The following PLG variants were observed in gnomAD, a reference collection of about 807,000 sequenced individuals.
PLG encodes plasmin.
A neutral mutation model predicts 104.4 loss-of-function variants in PLG; 41 were observed. That is an observed-to-expected ratio of 0.39 (90% CI 0.31 to 0.51). The LOEUF is 0.51. PLG is among the 20% of genes least tolerant of loss of function. The pLI, the probability that PLG is intolerant of heterozygous loss-of-function variation, is 0.76. For missense variants in PLG, 891 were observed against 1,003.6 expected, an observed-to-expected ratio of 0.89 and a Z score of 1.52; for synonymous variants, 337 against 357.1, an observed-to-expected ratio of 0.94 and a Z score of 0.63.
chr6:160,703,716 G>T (rs1467290319), intron 1 of PLG, among the ~76,000 whole-genome samples: 8 of 152,046 alleles, frequency 5.3e-5, no homozygotes, highest in African/African-American at 1.9e-4. Context: ...GGTGTATGTT[G>T]GGGGGTATGA....
intron 4 of PLG, among the ~76,000 whole-genome samples, chr6:160,712,518 A>G (rs1401862455): frequency 6.6e-6 from 1 of 152,186 alleles, no homozygotes; most frequent in Non-Finnish European, 1.5e-5. Context: ...TCTCATCTGT[A>G]AAATAGGGAT....
At chr6:160,733,170 G>A (rs1282703196) in intron 12 of PLG, among the ~76,000 whole-genome samples, 1 of 152,200 alleles carries the variant, frequency 6.6e-6, no homozygotes, top group East Asian at 1.9e-4. Flanking sequence ...CCAAATATAC[G>A]TTTCTTATTC....
chr6:160,744,413 T>G lies in PLG; in HGVS notation c.2125+2996T>G, dbSNP rs769761322. On this transcript the variant is annotated intron_variant, in intron 17 of 18. Coordinates refer to ENST00000308192, the MANE Select transcript of PLG (RefSeq NM_000301.5). This position sits in a 1 kb window ranked among gnomAD's most constrained non-coding sequence, Gnocchi z 4.5. ...GAGGGTGTATGTGTCCAGGAATTTA[T>G]CCATCTCTTTTAGGTTTTCTAGTTT... Among the ~76,000 whole-genome samples, 33 of 152,350 alleles carry G rather than the reference T, an allele frequency of 2.2e-4. No individual in the cohort carries two copies. Among genetic ancestry groups the G allele is most frequent in the Non-Finnish European group, 4.6e-4 (31 of 68,026 alleles).
intron 4 of PLG, chr6:160,712,038 A>T: frequency 1.9e-6 from 1 of 523,014 alleles, no homozygotes; most frequent in South Asian, 3.0e-5. Context: ...CCAACACTCA[A>T]CAAATTGCCT....
chr6:160,712,406 T>C (rs1777660084), intron 4 of PLG: 1 of 157,164 alleles, frequency 6.4e-6, no homozygotes, highest in Non-Finnish European at 1.4e-5. Flanking sequence ...ACCAGGACTT[T>C]GGAATCAGAC....
At chr6:160,712,947 T>C (rs1777669517) in intron 4 of PLG, 39 bp from the exon 5 acceptor site, 2 of 1,569,620 alleles carry the variant, frequency 1.3e-6, no homozygotes, top group Non-Finnish European at 1.8e-6. Context: ...AGCTGATTTT[T>C]AGAATATAGT....
intron 6 of PLG, among the ~76,000 whole-genome samples, chr6:160,715,831 G>A (rs1299559509): frequency 6.6e-6 from 1 of 152,230 alleles, no homozygotes. Context: ...GGCACTTCCA[G>A]GAAACCAGAA....
chr6:160,715,362 AC>A (rs1182649657), intron 6 of PLG, among the ~76,000 whole-genome samples: 1 of 152,142 alleles, frequency 6.6e-6, no homozygotes, highest in Non-Finnish European at 1.5e-5. Context: ...AAGTCTCCTA[AC>A]CTTTGACCTA....
At chr6:160,718,144 C>G (rs1214687225) in intron 7 of PLG, 150 bp from the exon 8 acceptor site, 1 of 689,356 alleles carries the variant, frequency 1.5e-6, no homozygotes, top group Non-Finnish European at 2.6e-6. Flanking sequence ...CTGAGCTACT[C>G]GGGAGGCTGA....
At position 160,706,543 on chromosome 6, in the gene PLG, G is replaced by T. The variant is rs886042477; in HGVS notation, c.185+1G>T. 5 of 1,613,538 alleles carry T rather than the reference G, an allele frequency of 3.1e-6. No homozygotes were observed. The highest frequency in any genetic ancestry group is 4.2e-6 in the Non-Finnish European group (5 of 1,179,594). On this transcript the variant is annotated splice_donor_variant, in intron 2 of 18. Coordinates refer to ENST00000308192, the MANE Select transcript of PLG (RefSeq NM_000301.5). LOFTEE classifies it high-confidence loss of function. The stretch of plus-strand genomic sequence containing the variant: ...AGGAGGACGAAGAATTCACCTGCAG[G>T]TATTTCCATTGTCGTTGCACCTACG...
Position 160,753,189 on chromosome 6 carries a change from C to T in PLG, c.*128C>T. 2 of 653,330 alleles carry T rather than the reference C, an allele frequency of 3.1e-6. No individual in the cohort carries two copies. Among genetic ancestry groups the T allele is most frequent in the Non-Finnish European group, 5.4e-6 (2 of 372,232 alleles). The allele number at this position is 653,330 out of a possible 1,614,324, so 40.5% of individuals were successfully genotyped here. A position where few individuals can be genotyped will look rare whatever the true frequency, so the allele number is the denominator to read the frequency against. On this transcript the variant is annotated 3_prime_UTR_variant, in exon 19 of 19. Transcript: ENST00000308192. This position sits in a 1 kb window ranked among gnomAD's most constrained non-coding sequence, Gnocchi z 5.4. ...GTCCCCAGCTACCAGCTACGCCAAA[C>T]CTCGGCATTTTTTGTGTTATTTTCT... is the stretch of plus-strand genomic sequence containing the variant.
intron 1 of PLG, among the ~76,000 whole-genome samples, chr6:160,704,599 T>C (rs12529361): frequency 0.18 from 27,285 of 152,248 alleles, 2,731 homozygotes; most frequent in Middle Eastern, 0.3. Flanking sequence ...GGTAAAGACA[T>C]GGATATGGGC....
intron 2 of PLG, among the ~76,000 whole-genome samples, chr6:160,707,103 G>T (rs1436399448): frequency 6.6e-6 from 1 of 152,138 alleles, no homozygotes; most frequent in Non-Finnish European, 1.5e-5. Flanking sequence ...AGTTGAGAGA[G>T]CTCTTGACAA....
At chr6:160,714,347 T>C (rs1291630564) in intron 5 of PLG, among the ~76,000 whole-genome samples, 2 of 152,218 alleles carry the variant, frequency 1.3e-5, no homozygotes, top group African/African-American at 2.4e-5. Flanking sequence ...TGCCAGGTCA[T>C]TCAGCAGTCA....
At position 160,752,800 on chromosome 6, in the gene PLG, T is replaced by C. The variant is rs958548236; in HGVS notation, c.2272-100T>C. On this transcript the variant is annotated intron_variant, in intron 18 of 18. Coordinates refer to ENST00000308192, the MANE Select transcript of PLG (RefSeq NM_000301.5). The surrounding 1 kb of genome is among the most constrained non-coding windows in gnomAD (Gnocchi z 4.7). ...CTCATAAGTTCCTTTCTGATTTCAATTACTGGGAAAATGTATATATGGATA... is the reference window on the plus strand; with the variant it reads ...CTCATAAGTTCCTTTCTGATTTCAACTACTGGGAAAATGTATATATGGATA... The C allele has an allele frequency of 1.4e-6, 2 of 1,384,478 alleles. No homozygotes were observed. Among genetic ancestry groups the C allele is most frequent in the Non-Finnish European group, 2.1e-6 (2 of 973,236 alleles). The allele number at this position is 1,384,478 out of a possible 1,614,324, so 85.8% of individuals were successfully genotyped here. A position where few individuals can be genotyped will look rare whatever the true frequency, so the allele number is the denominator to read the frequency against.
intron 1 of PLG, among the ~76,000 whole-genome samples, chr6:160,703,409 C>A (rs868830280): frequency 1.3e-5 from 2 of 152,124 alleles, no homozygotes; most frequent in Non-Finnish European, 2.9e-5. Flanking sequence ...CCCCCAAAAA[C>A]GCACTCCACT....
Position 160,752,018 on chromosome 6 carries a change from C to T in PLG, c.2126-97C>T, listed in dbSNP as rs1778409895. 3 of 1,066,686 alleles carry T rather than the reference C, an allele frequency of 2.8e-6. 1 individual carries two copies. In the South Asian group the frequency reaches 3.8e-5, roughly 13 times the overall value. The allele number at this position is 1,066,686 out of a possible 1,614,324, so 66.1% of individuals were successfully genotyped here. A position where few individuals can be genotyped will look rare whatever the true frequency, so the allele number is the denominator to read the frequency against. Reference sequence around the variant, plus strand: ...GGAGCTGCCTCGTGTTCTGCAGCCTCACAGACAGGAGGTCCAGTGCCGCTG... The same window carrying T: ...GGAGCTGCCTCGTGTTCTGCAGCCTTACAGACAGGAGGTCCAGTGCCGCTG... On this transcript the variant is annotated intron_variant, in intron 17 of 18. Transcript: ENST00000308192. The surrounding 1 kb of genome is among the most constrained non-coding windows in gnomAD (Gnocchi z 4.7).
chr6:160,724,446 A>G lies in PLG; in HGVS notation c.1256+1879A>G. ...ACACATACAAAGACTGAAAAGATAAAGAAACAGAGCCTCAAGAATATCTAT... is the reference window on the plus strand; with the variant it reads ...ACACATACAAAGACTGAAAAGATAAGGAAACAGAGCCTCAAGAATATCTAT... On this transcript the variant is annotated intron_variant, in intron 10 of 18. Transcript: ENST00000308192. The surrounding 1 kb of genome is among the most constrained non-coding windows in gnomAD (Gnocchi z 5.0). 6.6e-6 allele frequency among the ~76,000 whole-genome samples: 1 copy of G among 152,264 alleles called. No homozygotes were observed. Among genetic ancestry groups the G allele is most frequent in the East Asian group, 1.9e-4 (1 of 5,190 alleles).
At chr6:160,705,257 G>C (rs777651903) in intron 1 of PLG, 3 of 152,306 alleles carry the variant, frequency 2.0e-5, no homozygotes, top group Non-Finnish European at 4.4e-5. Context: ...CCAAAGCTCA[G>C]CCAGATGTCT....
Sources: allele counts gnomAD v4.1 joint callset (sites outside exome capture counted in the v4.1 genomes callset), GRCh38; gene constraint gnomAD v4.1.1; non-coding constraint Gnocchi (gnomAD v3.1); transcripts MANE v1.5; gene names NCBI Gene and HGNC (gene_info 2026-07-23, HGNC 2026-07-21).